RAB3GAP1: variants seen among roughly 807,000 people sequenced by gnomAD.
The protein encoded by RAB3GAP1 is rab3 GTPase-activating protein catalytic subunit.
RAB3GAP1 carries 86 observed loss-of-function variants against 130.7 expected under a neutral mutation model. The observed-to-expected ratio is 0.66, with a 90% CI of 0.55 to 0.79. RAB3GAP1 has a LOEUF of 0.79. RAB3GAP1 is among the 30% of genes least tolerant of loss of function. RAB3GAP1 has a pLI of 0.00. For missense variants in RAB3GAP1, 1,029 were observed against 1,169.4 expected, an observed-to-expected ratio of 0.88 and a Z score of 1.75; for synonymous variants, 367 against 401.7, an observed-to-expected ratio of 0.91 and a Z score of 1.03.
Position 135,170,039 on chromosome 2 carries a change from C to A in RAB3GAP1, c.*1258C>A. ...GTGTGTGTGACATATGCACACGTCTCTGTGTATGTGAAGTAGGGGAGGCCC... is the reference window on the plus strand; with the variant it reads ...GTGTGTGTGACATATGCACACGTCTATGTGTATGTGAAGTAGGGGAGGCCC... On this transcript the variant is annotated 3_prime_UTR_variant, in exon 24 of 24. Transcript: ENST00000264158. 4.8e-6 allele frequency: 1 copy of A among 208,196 alleles called. No individual in the cohort carries two copies. The highest frequency in any genetic ancestry group is 9.7e-6 in the Non-Finnish European group (1 of 102,854). 12.9% of individuals were successfully genotyped at this position (208,196 alleles called of 1,614,324 possible). A position where few individuals can be genotyped will look rare whatever the true frequency, so the allele number is the denominator to read the frequency against.
At chr2:135,117,489 T>TTCTG (rs1691017889) in intron 7 of RAB3GAP1, among the ~76,000 whole-genome samples, 1 of 123,348 alleles carries the variant, frequency 8.1e-6, no homozygotes, top group African/African-American at 3.2e-5. Context: ...TTCTGCTTCT[T>TTCTG]CTTCTGCTTC....
chr2:135,111,506 G>C (rs1027530335), intron 5 of RAB3GAP1, among the ~76,000 whole-genome samples: 2 of 152,104 alleles, frequency 1.3e-5, no homozygotes, highest in Admixed American at 1.3e-4. Context: ...CCTTTTTAAT[G>C]TGTTATTGAG....
rs762670566 is a variant in RAB3GAP1 at position 135,115,316 on chromosome 2, C to T, written c.583C>T (p.Leu195Phe). Reference sequence around the variant, plus strand: ...ACGAACTGATTTCGAAATGGTTCATCTTAGAAAAGTGCCAAATCAGTACAC... The same window carrying T: ...ACGAACTGATTTCGAAATGGTTCATTTTAGAAAAGTGCCAAATCAGTACAC... ...GVRTDFEMVHLRKVPNQYTHL... is the reference protein window; with the variant it reads ...GVRTDFEMVHFRKVPNQYTHL... Residue 195 changes from leucine to phenylalanine, a missense_variant, in exon 7 of 24, where the codon CTT (leucine) becomes TTT (phenylalanine). Coordinates refer to ENST00000264158, the MANE Select transcript of RAB3GAP1 (RefSeq NM_012233.3). 1.2e-6 allele frequency: 2 copies of T among 1,613,604 alleles called. No homozygotes were observed. Among genetic ancestry groups the T allele is most frequent in the African/African-American group, 2.7e-5 (2 of 74,890 alleles).
In RAB3GAP1 at chr2:135,134,044, C is replaced by A. The variant is rs754183545; in HGVS notation, c.1499+11C>A. ...CTTTCTGATTCCAGGGTAATAATTT[C>A]AATTTTCAATTGTTTGGATACGATT... On this transcript the variant is annotated intron_variant, in intron 15 of 23. Transcript: ENST00000264158. The A allele has an allele frequency of 5.0e-6, 8 of 1,613,232 alleles. No individual in the cohort carries two copies. The Admixed American group carries it at 1.3e-4, about 27-fold the overall frequency.
Position 135,135,821 on chromosome 2 carries a change from G to A in RAB3GAP1, c.1812G>A (p.Lys604=). ...ELKGNGQESG[K]KGGPKEMANL... ...AAGGAAATGGACAAGAGAGTGGCAA[G>A]AAAGGAGGACCTAAGGAGATGGCAA... Residue 604 remains lysine, a synonymous_variant, in exon 17 of 24, where the codon AAG becomes AAA. Transcript: ENST00000264158. The A allele has an allele frequency of 6.2e-7, 1 of 1,614,210 alleles. No individual in the cohort carries two copies. The highest frequency in any genetic ancestry group is 8.5e-7 in the Non-Finnish European group (1 of 1,180,026).
downstream of RAB3GAP1, among the ~76,000 whole-genome samples, chr2:135,174,690 C>T (rs780487317): frequency 6.6e-5 from 10 of 152,222 alleles, no homozygotes; most frequent in African/African-American, 1.7e-4. Flanking sequence ...TGTTACATAA[C>T]GAGGGAACTG....
At chr2:135,126,771 A>G (rs1558789073) in intron 11 of RAB3GAP1, 115 bp downstream of exon 11, 1 of 900,822 alleles carries the variant, frequency 1.1e-6, no homozygotes, top group East Asian at 2.4e-5. Context: ...ACCATGTAGG[A>G]AAAAAATCAT....
downstream of RAB3GAP1, among the ~76,000 whole-genome samples, chr2:135,173,578 A>G (rs1692919760): frequency 6.6e-6 from 1 of 152,200 alleles, no homozygotes; most frequent in African/African-American, 2.4e-5. Flanking sequence ...GGGAAAGAAT[A>G]GAGAAGGGGC....
chr2:135,109,929 T>G (rs1235234796), intron 5 of RAB3GAP1, among the ~76,000 whole-genome samples: 4 of 152,060 alleles, frequency 2.6e-5, no homozygotes, highest in Non-Finnish European at 4.4e-5. Flanking sequence ...CTTTGCCCAT[T>G]TTAAAATCTG....
chr2:135,117,489 T>G (rs999764851), intron 7 of RAB3GAP1, among the ~76,000 whole-genome samples: 118 of 123,306 alleles, frequency 9.6e-4, no homozygotes, highest in African/African-American at 2.8e-3. Flanking sequence ...TTCTGCTTCT[T>G]CTTCTGCTTC....
rs577800726 is a variant in RAB3GAP1 at position 135,133,818 on chromosome 2, T to C, written c.1327-43T>C. ...CCTTTTCAGTTATATGTGTAAAATA[T>C]TTTGGTAACAAGTTTGCTTTGTTTC... On this transcript the variant is annotated intron_variant, in intron 14 of 23. Coordinates refer to ENST00000264158, the MANE Select transcript of RAB3GAP1 (RefSeq NM_012233.3). 36 of 1,563,796 alleles carry C rather than the reference T, an allele frequency of 2.3e-5. No homozygotes were observed. In the Admixed American group the frequency reaches 6.0e-4, roughly 26 times the overall value.
intron 3 of RAB3GAP1, among the ~76,000 whole-genome samples, chr2:135,070,387 G>A (rs1689433691): frequency 6.6e-6 from 1 of 152,170 alleles, no homozygotes; most frequent in Non-Finnish European, 1.5e-5. Flanking sequence ...AAGCCACATA[G>A]CTCATCGTGG....
chr2:135,057,885 A>T, intron 2 of RAB3GAP1, 126 bp from the exon 3 acceptor site: 1 of 703,850 alleles, frequency 1.4e-6, no homozygotes, highest in South Asian at 1.7e-5. Flanking sequence ...AGCTAGCAAT[A>T]CTAAATGTAC....
Position 135,164,626 on chromosome 2 carries a change from T to C in RAB3GAP1, c.2639T>C (p.Val880Ala). The C allele has an allele frequency of 6.2e-7, 1 of 1,613,462 alleles. No homozygotes were observed. The highest frequency in any genetic ancestry group is 8.5e-7 in the Non-Finnish European group (1 of 1,179,658). Residue 880 changes from valine (V) to alanine (A), a missense_variant, in exon 23 of 24, where the codon GTG (valine) becomes GCG (alanine). This residue lies in a region of RAB3GAP1 where 146 missense variants were observed against 143.7 expected (regional missense o/e 1.02). Coordinates refer to ENST00000264158, the MANE Select transcript of RAB3GAP1 (RefSeq NM_012233.3). ...FVSCLLEQPE[V>A]LVTGAGRGHA... ...AGTTGCCTGCTGGAGCAGCCTGAAGTGTTAGTCACCGGTGCAGGAAGAGGA... is the reference window on the plus strand; with the variant it reads ...AGTTGCCTGCTGGAGCAGCCTGAAGCGTTAGTCACCGGTGCAGGAAGAGGA...
intron 6 of RAB3GAP1, among the ~76,000 whole-genome samples, chr2:135,114,668 A>G (rs1454956363): frequency 2.0e-5 from 3 of 152,220 alleles, no homozygotes; most frequent in Non-Finnish European, 4.4e-5. Context: ...AGCTTATTTA[A>G]TATACATTGT....
chr2:135,057,316 G>A (rs1689041666), intron 2 of RAB3GAP1, among the ~76,000 whole-genome samples: 1 of 152,010 alleles, frequency 6.6e-6, no homozygotes, highest in Non-Finnish European at 1.5e-5. Context: ...GGGGTAAATC[G>A]GAATTCCTAA....
At chr2:135,170,939 A>G (rs1264603737), downstream of RAB3GAP1, among the ~76,000 whole-genome samples, 4 of 152,042 alleles carry the variant, frequency 2.6e-5, no homozygotes, top group Non-Finnish European at 5.9e-5. Context: ...GGTCTCGGCC[A>G]TGTCTTTCTT....
In RAB3GAP1 at chr2:135,150,369, G is replaced by A. The variant is rs754636977; in HGVS notation, c.1924G>A (p.Glu642Lys). The part of the protein sequence containing the change: ...GEPLYIPVTQ[E>K]PAPMTEDLLE... Reference sequence around the variant, plus strand: ...AGCCTTGTCCTTTTGTGCTTCACAGGAACCAGCACCTATGACAGAAGATCT... The same window carrying A: ...AGCCTTGTCCTTTTGTGCTTCACAGAAACCAGCACCTATGACAGAAGATCT... Residue 642 changes from glutamate to lysine, a missense_variant and splice_region_variant, in exon 18 of 24, where the codon GAA (glutamate) becomes AAA (lysine). By Grantham distance (56) the Glu-to-Lys change is moderately conservative (BLOSUM62 1). This residue lies in a region of RAB3GAP1 where 373 missense variants were observed against 493.6 expected (regional missense o/e 0.76). Coordinates refer to ENST00000264158, the MANE Select transcript of RAB3GAP1 (RefSeq NM_012233.3). 1 of 1,614,122 alleles carries A rather than the reference G, an allele frequency of 6.2e-7. No individual in the cohort carries two copies. The highest frequency in any genetic ancestry group is 8.5e-7 in the Non-Finnish European group (1 of 1,180,016).
chr2:135,082,217 A>G lies in RAB3GAP1; in HGVS notation c.151-8781A>G, dbSNP rs1389685431. Among the ~76,000 whole-genome samples, 5 of 152,090 alleles carry G rather than the reference A, an allele frequency of 3.3e-5. No homozygotes were observed. In the East Asian group the frequency reaches 9.6e-4, roughly 29 times the overall value. On this transcript the variant is annotated intron_variant, in intron 3 of 23. Coordinates refer to ENST00000264158, the MANE Select transcript of RAB3GAP1 (RefSeq NM_012233.3). ...AAATTTATATACCATAAAATTTACCAATTTAAGGCATATAATTCAGTGGTC... is the reference window on the plus strand; with the variant it reads ...AAATTTATATACCATAAAATTTACCGATTTAAGGCATATAATTCAGTGGTC...
Sources: allele counts gnomAD v4.1 joint callset (sites outside exome capture counted in the v4.1 genomes callset), GRCh38; gene constraint gnomAD v4.1.1; regional missense constraint gnomAD v4.1.1; transcripts MANE v1.5; gene names NCBI Gene and HGNC (gene_info 2026-07-23, HGNC 2026-07-21).